STK10: variants seen among roughly 807,000 people sequenced by gnomAD.
STK10 encodes serine/threonine kinase 10, also known as serine/threonine-protein kinase 10.
A neutral mutation model predicts 113.8 loss-of-function variants in STK10; 78 were observed. The observed-to-expected ratio is 0.69, with a 90% CI of 0.57 to 0.83. The LOEUF is 0.83. STK10 is among the 40% of genes least tolerant of loss of function. The probability of loss-of-function intolerance (pLI) is 0.00; values close to 1 mark genes in which losing one functional copy is unlikely to be tolerated. For synonymous variants in STK10, 465 were observed against 494.7 expected, an observed-to-expected ratio of 0.94 and a Z score of 0.80; for missense variants, 1,109 against 1,280.1, an observed-to-expected ratio of 0.87 and a Z score of 2.04.
At chr5:172,168,448 G>A (rs1581188746) in intron 1 of STK10, among the ~76,000 whole-genome samples, 2 of 152,178 alleles carry the variant, frequency 1.3e-5, no homozygotes, top group East Asian at 1.9e-4. Context: ...ACATGGGCTT[G>A]AGTTTAGAGC....
chr5:172,168,521 G>A (rs559082535), intron 1 of STK10, among the ~76,000 whole-genome samples: 29 of 152,292 alleles, frequency 1.9e-4, no homozygotes, highest in African/African-American at 7.0e-4. Context: ...TGCACCACGG[G>A]CCTGGGCCTT....
intron 4 of STK10, chr5:172,108,182 T>A (rs1324073968): frequency 5.2e-6 from 1 of 193,724 alleles, no homozygotes; most frequent in East Asian, 1.2e-4. Context: ...GTCTTAAATT[T>A]AAAAAAATGC....
chr5:172,113,945 T>G (rs1769305175), intron 4 of STK10, among the ~76,000 whole-genome samples: 1 of 151,984 alleles, frequency 6.6e-6, no homozygotes, highest in South Asian at 2.1e-4. Flanking sequence ...TAATATTTAC[T>G]GAGAACTTAC....
rs150724535 is a variant in STK10 at position 172,117,863 on chromosome 5, A to C, written c.371-233T>G. Among the ~76,000 whole-genome samples the C allele has an allele frequency of 3.3e-3, 507 of 152,052 alleles. 4 individuals are homozygous for C. The highest frequency in any genetic ancestry group is 0.011 in the African/African-American group (470 of 41,474). Reference sequence around the variant, plus strand: ...TCCCACCTCTACTAAAAATACAAAAATTAGCTGGGCACGGTGGCAGGCAGC... The same window carrying C: ...TCCCACCTCTACTAAAAATACAAAACTTAGCTGGGCACGGTGGCAGGCAGC... On this transcript the variant is annotated intron_variant, in intron 3 of 18. Transcript: ENST00000176763.
chr5:172,166,217 G>A (rs959757987), intron 1 of STK10, among the ~76,000 whole-genome samples: 9 of 152,218 alleles, frequency 5.9e-5, no homozygotes, highest in African/African-American at 9.6e-5. Context: ...CAGAGTGGCT[G>A]CCGGAGGGTG....
rs778673700 is a variant in STK10 at position 172,091,531 on chromosome 5, C to CT, written c.1555-1170dup. Among the ~76,000 whole-genome samples, 826 of 131,864 alleles carry CT rather than the reference C, an allele frequency of 6.3e-3. 8 individuals carry two copies. The highest frequency in any genetic ancestry group is 0.011 in the East Asian group (55 of 4,786). 86.5% of individuals were successfully genotyped at this position (131,864 alleles called of 152,430 possible). A position where few individuals can be genotyped will look rare whatever the true frequency, so the allele number is the denominator to read the frequency against. ...GGCCTCTTGGTTGGTTTCAAAGCCT[C>CT]TTTTTTTTTTTTTTTTTGAGATGGA... On this transcript the variant is annotated intron_variant, in intron 9 of 18. Transcript: ENST00000176763.
rs1767455703 is a variant in STK10, at chr5:172,044,528, A to T, written c.*354T>A. ...AGTGCTTTGTCCCACAGAGAGCAAA[A>T]CTGGTATTTTCGCAAACAGGAGAGG... On this transcript the variant is annotated 3_prime_UTR_variant, in exon 19 of 19. Coordinates refer to ENST00000176763, the MANE Select transcript of STK10 (RefSeq NM_005990.4). This position sits in a 1 kb window ranked among gnomAD's most constrained non-coding sequence, Gnocchi z 4.5. The T allele has an allele frequency of 3.2e-6, 1 of 311,540 alleles. No homozygotes were observed. The allele number at this position is 311,540 out of a possible 1,614,324, so 19.3% of individuals were successfully genotyped here.
intron 2 of STK10, among the ~76,000 whole-genome samples, chr5:172,136,932 C>T (rs1185031281): frequency 6.6e-6 from 1 of 151,870 alleles, no homozygotes; most frequent in Non-Finnish European, 1.5e-5. Context: ...CCCATCAACC[C>T]ATCATCTACA....
intron 12 of STK10, among the ~76,000 whole-genome samples, chr5:172,081,521 G>T (rs1768428949): frequency 6.6e-6 from 1 of 152,110 alleles, no homozygotes; most frequent in South Asian, 2.1e-4. Flanking sequence ...CAAACCCACA[G>T]TATCTCCGAG....
chr5:172,063,251 A>G (rs1163554245), intron 13 of STK10, among the ~76,000 whole-genome samples: 1 of 151,962 alleles, frequency 6.6e-6, no homozygotes, highest in Admixed American at 6.6e-5. Context: ...CTCCATCTCA[A>G]AAAAGAAAAA....
chr5:172,117,347 A>T (rs1316603372), intron 4 of STK10, 134 bp downstream of exon 4: 3 of 915,450 alleles, frequency 3.3e-6, no homozygotes, highest in Non-Finnish European at 4.9e-6. Context: ...AGAACTGCTG[A>T]CATGCCAAGA....
intron 3 of STK10, 94 bp downstream of exon 3, chr5:172,127,279 G>T: frequency 1.5e-6 from 2 of 1,366,438 alleles, no homozygotes; most frequent in Non-Finnish European, 2.0e-6. Flanking sequence ...GAGAGTGGAG[G>T]TCCCAGTCCT....
intron 18 of STK10, 30 bp from the exon 19 acceptor site, chr5:172,045,052 G>A (rs758347315): frequency 1.2e-6 from 2 of 1,611,580 alleles, no homozygotes; most frequent in Admixed American, 3.3e-5. Flanking sequence ...GATGGCACTT[G>A]GTGAGATCTG....
intron 12 of STK10, among the ~76,000 whole-genome samples, chr5:172,071,018 G>C (rs1181330854): frequency 6.6e-6 from 1 of 151,626 alleles, no homozygotes; most frequent in African/African-American, 2.4e-5. Context: ...GACCAGCCTG[G>C]CTAACATGGT....
intron 18 of STK10, among the ~76,000 whole-genome samples, chr5:172,048,835 C>T (rs1265404751): frequency 2.0e-5 from 3 of 152,084 alleles, no homozygotes; most frequent in South Asian, 2.1e-4. Context: ...GCAGGCCCCC[C>T]ACCCCTCTGA....
intron 12 of STK10, among the ~76,000 whole-genome samples, chr5:172,081,338 G>C (rs1373755331): frequency 7.5e-6 from 1 of 133,012 alleles, no homozygotes; most frequent in African/African-American, 2.9e-5. Context: ...GTGACAGACT[G>C]AGACTCCATC....
At chr5:172,080,263 C>A (rs1768401193) in intron 12 of STK10, among the ~76,000 whole-genome samples, 1 of 152,180 alleles carries the variant, frequency 6.6e-6, no homozygotes, top group South Asian at 2.1e-4. Context: ...TGTCTCTTCC[C>A]CTCTCCTCAG....
intron 12 of STK10, among the ~76,000 whole-genome samples, chr5:172,073,161 A>T (rs1294007372): frequency 1.3e-5 from 2 of 151,378 alleles, no homozygotes; most frequent in African/African-American, 4.9e-5. Flanking sequence ...TTATTTATTT[A>T]TTTTTTGAGA....
Position 172,079,717 on chromosome 5 carries a change from G to A in STK10, c.1989+2609C>T, listed in dbSNP as rs925622474. Among the ~76,000 whole-genome samples, 15 of 152,104 alleles carry A rather than the reference G, an allele frequency of 9.9e-5. No homozygotes were observed. The South Asian group carries it at 2.1e-3, about 21-fold the overall frequency. On this transcript the variant is annotated intron_variant, in intron 12 of 18. Coordinates refer to ENST00000176763, the MANE Select transcript of STK10 (RefSeq NM_005990.4). ...CTGGGATTAAGGCACCTGTGATCAT[G>A]CCTGACTAATTTTTTTGTGTTTTTA...
Sources: gnomAD v4.1 joint callset for allele counts (sites outside exome capture counted in the v4.1 genomes callset) on GRCh38, gnomAD v4.1.1 for gene constraint, Gnocchi (gnomAD v3.1) non-coding constraint, MANE v1.5 for transcripts, NCBI Gene and HGNC (gene_info 2026-07-23, HGNC 2026-07-21) for gene names.